RSPRY1: variants seen among roughly 807,000 people sequenced by gnomAD.
The protein encoded by RSPRY1 is ring finger and SPRY domain containing 1.
Under a neutral mutation model 73.1 loss-of-function variants are expected in RSPRY1, and 23 were observed. That is an observed-to-expected ratio of 0.31 (90% CI 0.23 to 0.45). The LOEUF (loss-of-function observed/expected upper bound fraction) is 0.45. RSPRY1 is among the 20% of genes least tolerant of loss of function. The pLI, the probability that RSPRY1 is intolerant of heterozygous loss-of-function variation, is 1.00. For missense variants in RSPRY1, 448 were observed against 698.7 expected, an observed-to-expected ratio of 0.64 and a Z score of 4.05; for synonymous variants, 226 against 251.4, an observed-to-expected ratio of 0.90 and a Z score of 0.95.
chr16:57,199,049 A>G lies in RSPRY1; in HGVS notation c.-155-5455A>G, dbSNP rs534080774. On this transcript the variant is annotated intron_variant, in intron 1 of 14. Transcript: ENST00000394420. ...TGGGTTAGCCACAAGTTTTTATAGC[A>G]TAGTGGTCAAGAAATTATGATAATA... Among the ~76,000 whole-genome samples, 4 of 152,356 alleles carry G rather than the reference A, an allele frequency of 2.6e-5. No individual in the cohort carries two copies. The East Asian group carries it at 7.7e-4, about 29-fold the overall frequency.
intron 11 of RSPRY1, 91 bp from the exon 12 acceptor site, chr16:57,230,620 A>C (rs2075200761): frequency 1.4e-6 from 1 of 716,716 alleles, no homozygotes; most frequent in Admixed American, 2.2e-5. Flanking sequence ...ATGCAGACTT[A>C]ATACAGTGCC....
intron 13 of RSPRY1, among the ~76,000 whole-genome samples, chr16:57,232,054 C>G (rs1465489455): frequency 2.0e-5 from 3 of 152,204 alleles, no homozygotes; most frequent in African/African-American, 7.2e-5. Context: ...TCATTTTAAA[C>G]AGAGCAGCTG....
At position 57,231,224 on chromosome 16, in the gene RSPRY1, T is replaced by G; in HGVS notation, c.1434T>G (p.Phe478Leu). Reference sequence around the variant, plus strand: ...CATATCAACAATGTGAGTTCAATTTTGGAGCAAAACCATTCAAATACCCAC... The same window carrying G: ...CATATCAACAATGTGAGTTCAATTTGGGAGCAAAACCATTCAAATACCCAC... ...FMSYQQCEFN[F>L]GAKPFKYPPS... is the part of the protein sequence containing the mutation. Residue 478 changes from phenylalanine (F) to leucine (L), a missense_variant, in exon 13 of 15, where the codon TTT (phenylalanine) becomes TTG (leucine). By Grantham distance (22) the Phe-to-Leu change is conservative. Transcript: ENST00000394420. 6.2e-7 allele frequency: 1 copy of G among 1,614,028 alleles called. No homozygotes were observed. Among genetic ancestry groups the G allele is most frequent in the African/African-American group, 1.3e-5 (1 of 75,058 alleles).
At chr16:57,210,699 C>T (rs113970853) in intron 4 of RSPRY1, among the ~76,000 whole-genome samples, 3,359 of 144,964 alleles carry the variant, frequency 0.023, 53 homozygotes, top group Non-Finnish European at 0.034. Flanking sequence ...GGCGACAAAG[C>T]GAAACTCTGT....
intron 1 of RSPRY1, among the ~76,000 whole-genome samples, chr16:57,190,676 G>A (rs563165387): frequency 2.0e-5 from 3 of 152,308 alleles, no homozygotes; most frequent in Admixed American, 1.3e-4. Context: ...GCCTTTTGGA[G>A]GGGACTTTTA....
At chr16:57,190,882 A>T (rs1350189457) in intron 1 of RSPRY1, among the ~76,000 whole-genome samples, 1 of 152,238 alleles carries the variant, frequency 6.6e-6, no homozygotes, top group Admixed American at 6.5e-5. Flanking sequence ...TACAAGGTTA[A>T]ATCAGGAAAA....
At chr16:57,186,226 T>A, upstream of RSPRY1, 1 of 959,600 alleles carries the variant, frequency 1.0e-6, no homozygotes, top group African/African-American at 1.8e-5. Flanking sequence ...CGTGACACGA[T>A]TTTTGAAAGG....
At chr16:57,191,543 G>C (rs1316605241) in intron 1 of RSPRY1, among the ~76,000 whole-genome samples, 1 of 152,172 alleles carries the variant, frequency 6.6e-6, no homozygotes, top group Admixed American at 6.6e-5. Flanking sequence ...AGTATGCTTA[G>C]TTTGGGGTGC....
intron 4 of RSPRY1, among the ~76,000 whole-genome samples, chr16:57,212,297 C>T (rs1284845441): frequency 1.3e-5 from 2 of 152,222 alleles, no homozygotes; most frequent in East Asian, 3.9e-4. Flanking sequence ...GGAAACAGAG[C>T]AAGAGCAAAA....
At chr16:57,198,276 C>T (rs1336943776) in intron 1 of RSPRY1, among the ~76,000 whole-genome samples, 2 of 151,664 alleles carry the variant, frequency 1.3e-5, no homozygotes, top group South Asian at 4.2e-4. Flanking sequence ...CCCAGCTACT[C>T]GGGAGGCTGA....
At chr16:57,231,030 TATAA>T (rs2075211061) in intron 12 of RSPRY1, 133 bp from the exon 13 acceptor site, 1 of 828,250 alleles carries the variant, frequency 1.2e-6, no homozygotes, top group African/African-American at 1.7e-5. Context: ...CTGTGTGGGT[TATAA>T]ACACAGTCTG....
chr16:57,225,360 G>A (rs2075104812), intron 10 of RSPRY1, among the ~76,000 whole-genome samples: 1 of 152,208 alleles, frequency 6.6e-6, no homozygotes, highest in South Asian at 2.1e-4. Flanking sequence ...AGCCTTGGGT[G>A]GTGAATTTCT....
At position 57,204,769 on chromosome 16, in the gene RSPRY1, T is replaced by C. The variant is rs1597877683; in HGVS notation, c.111T>C (p.Ala37=). The C allele has an allele frequency of 3.1e-6, 5 of 1,614,184 alleles. No homozygotes were observed. Among genetic ancestry groups the C allele is most frequent in the Non-Finnish European group, 4.2e-6 (5 of 1,180,020 alleles). The change falls in exon 2 of 15, where the codon GCT becomes GCC. Residue 37 remains alanine (A), a synonymous_variant. Transcript: ENST00000394420. Reference sequence around the variant, plus strand: ...ACTTCCTAGGGACTGGAGGTGCCGCTACTACCATGGGTAATTCCTGTATCT... The same window carrying C: ...ACTTCCTAGGGACTGGAGGTGCCGCCACTACCATGGGTAATTCCTGTATCT... ...IAHFLGTGGA[A]TTMGNSCICR...
intron 2 of RSPRY1, among the ~76,000 whole-genome samples, chr16:57,207,266 T>G (rs1190611837): frequency 6.6e-6 from 1 of 152,070 alleles, no homozygotes; most frequent in Non-Finnish European, 1.5e-5. Context: ...CCATACTAAT[T>G]CCCATATCAC....
At chr16:57,221,821 T>G (rs937657525) in intron 10 of RSPRY1, among the ~76,000 whole-genome samples, 2 of 152,236 alleles carry the variant, frequency 1.3e-5, no homozygotes, top group Non-Finnish European at 2.9e-5. Context: ...AGTGTTGGCT[T>G]GACTTCTTTC....
intron 14 of RSPRY1, among the ~76,000 whole-genome samples, chr16:57,238,283 A>G (rs2075330415): frequency 6.6e-6 from 1 of 152,256 alleles, no homozygotes; most frequent in Non-Finnish European, 1.5e-5. Context: ...CTCAACATAA[A>G]AAGAGCAACA....
chr16:57,229,577 C>G (rs768716140), intron 11 of RSPRY1, among the ~76,000 whole-genome samples: 9 of 151,632 alleles, frequency 5.9e-5, no homozygotes, highest in Non-Finnish European at 1.2e-4. Context: ...TAGGATTGTA[C>G]CACTGCACTC....
chr16:57,235,439 A>G (rs1394823353), intron 14 of RSPRY1, among the ~76,000 whole-genome samples: 1 of 152,208 alleles, frequency 6.6e-6, no homozygotes, highest in Non-Finnish European at 1.5e-5. Flanking sequence ...TTTTGATACA[A>G]TTTTGGCTTC....
Position 57,227,318 on chromosome 16 carries a change from C to A in RSPRY1, c.1162-24C>A, listed in dbSNP as rs748015760. The A allele has an allele frequency of 1.0e-5, 16 of 1,546,178 alleles. No individual in the cohort carries two copies. The East Asian group carries it at 3.1e-4, about 30-fold the overall frequency. The stretch of plus-strand genomic sequence containing the variant: ...GGTCAGAGCAGGCAGACTTGCTAAT[C>A]TTCTGGGCCTTGTCTCTCTCCAGGA... On this transcript the variant is annotated intron_variant, in intron 10 of 14. Transcript: ENST00000394420.
Sources: allele counts gnomAD v4.1 joint callset (sites outside exome capture counted in the v4.1 genomes callset), GRCh38; gene constraint gnomAD v4.1.1; transcripts MANE v1.5; gene names NCBI Gene and HGNC (gene_info 2026-07-23, HGNC 2026-07-21).